MINDY2: variants seen among roughly 807,000 people sequenced by gnomAD.
The protein encoded by MINDY2 is MINDY lysine 48 deubiquitinase 2, also known as ubiquitin carboxyl-terminal hydrolase MINDY-2.
A neutral mutation model predicts 68.2 loss-of-function variants in MINDY2; 52 were observed. That is an observed-to-expected ratio of 0.76 (90% CI 0.61 to 0.96). The LOEUF (loss-of-function observed/expected upper bound fraction) is 0.96. MINDY2 is among the 40% of genes least tolerant of loss of function. The pLI, the probability that MINDY2 is intolerant of heterozygous loss-of-function variation, is 0.00. For synonymous variants in MINDY2, 372 were observed against 303.0 expected, an observed-to-expected ratio of 1.23 and a Z score of -2.36; for missense variants, 881 against 773.4, an observed-to-expected ratio of 1.14 and a Z score of -1.65.
chr15:58,812,977 C>T (rs1184455955), intron 4 of MINDY2, among the ~76,000 whole-genome samples: 1 of 152,214 alleles, frequency 6.6e-6, no homozygotes, highest in Non-Finnish European at 1.5e-5. Context: ...CCCTTACCCT[C>T]TTCTTAACCC....
intron 8 of MINDY2, 43 bp downstream of exon 8, chr15:58,852,008 T>G (rs1298401580): frequency 7.0e-7 from 1 of 1,437,318 alleles, no homozygotes; most frequent in Non-Finnish European, 9.4e-7. Flanking sequence ...TGATCATGGC[T>G]GGGTGTAGTG....
rs893341806 is a variant in MINDY2 at position 58,796,285 on chromosome 15, T to C, written c.899-6028T>C. The C allele has an allele frequency of 8.3e-6, 3 of 361,484 alleles. No individual in the cohort carries two copies. The Admixed American group carries it at 1.0e-4, about 12-fold the overall frequency. The allele number at this position is 361,484 out of a possible 1,614,324, so 22.4% of individuals were successfully genotyped here. On this transcript the variant is annotated intron_variant, in intron 2 of 8. Transcript: ENST00000559228. ...GGTTGTTTGAGGGTTAGTTGGAAAC[T>C]ATCTTAAGCTCAAGCTAGAGGTGGA...
rs765881093 is a variant in MINDY2, at chr15:58,771,681, G to C, written c.286G>C (p.Ala96Pro). The change falls in exon 1 of 9, where the codon GCT becomes CCT. Residue 96 changes from alanine to proline, a missense_variant. By Grantham distance (27) the Ala-to-Pro change is conservative. Coordinates refer to ENST00000559228, the MANE Select transcript of MINDY2 (RefSeq NM_001040450.3). Reference protein sequence around the residue: ...DLKDSGLESPAAAEAPLRGQY... With the variant: ...DLKDSGLESPPAAEAPLRGQY... ...GAAGGACAGTGGTTTGGAGAGTCCT[G>C]CTGCCGCCGAGGCGCCTCTGAGAGG... is the stretch of plus-strand genomic sequence containing the variant. 3.7e-6 allele frequency: 6 copies of C among 1,612,472 alleles called. No homozygotes were observed. In the South Asian group the frequency reaches 5.5e-5, roughly 15 times the overall value.
chr15:58,815,920 C>G (rs767250771), intron 4 of MINDY2, among the ~76,000 whole-genome samples: 1 of 152,054 alleles, frequency 6.6e-6, no homozygotes, highest in African/African-American at 2.4e-5. Flanking sequence ...CCTCGTGATC[C>G]GTCTGCCTCG....
chr15:58,778,177 A>C (rs758952437), intron 1 of MINDY2, among the ~76,000 whole-genome samples: 1 of 152,174 alleles, frequency 6.6e-6, no homozygotes, highest in Non-Finnish European at 1.5e-5. Context: ...CATACATACA[A>C]AAAACTTACA....
At chr15:58,791,255 A>ATATATATATATATATC (rs1567043814) in intron 2 of MINDY2, among the ~76,000 whole-genome samples, 1 of 125,738 alleles carries the variant, frequency 8.0e-6, no homozygotes, top group Non-Finnish European at 1.7e-5. Flanking sequence ...ATATATATAT[A>ATATATATATATATATC]TCTTGAGTTC....
chr15:58,831,382 G>C (rs1202096059), intron 5 of MINDY2, among the ~76,000 whole-genome samples: 1 of 152,158 alleles, frequency 6.6e-6, no homozygotes, highest in African/African-American at 2.4e-5. Context: ...TTGGGAGGTA[G>C]CTGTTGACTG....
chr15:58,782,400 G>A (rs1210939433), intron 1 of MINDY2, among the ~76,000 whole-genome samples: 1 of 152,100 alleles, frequency 6.6e-6, no homozygotes, highest in Admixed American at 6.5e-5. Context: ...TATCTTCTGT[G>A]TTCCAAATTC....
At chr15:58,812,023 C>T (rs1176449532) in intron 4 of MINDY2, among the ~76,000 whole-genome samples, 2 of 152,184 alleles carry the variant, frequency 1.3e-5, no homozygotes, top group Non-Finnish European at 2.9e-5. Context: ...ACAAAGGAAT[C>T]ATACCAGCCA....
chr15:58,853,380 T>A (rs893775115), intron 8 of MINDY2, among the ~76,000 whole-genome samples: 5 of 152,172 alleles, frequency 3.3e-5, no homozygotes, highest in Admixed American at 6.6e-5. Context: ...AAAATTTCTA[T>A]TTCTAGCTCA....
At chr15:58,808,916 T>G (rs1413151149) in intron 3 of MINDY2, among the ~76,000 whole-genome samples, 1 of 152,228 alleles carries the variant, frequency 6.6e-6, no homozygotes, top group Non-Finnish European at 1.5e-5. Context: ...TTTTTCATCT[T>G]TAAAACTGAA....
At chr15:58,805,501 G>A (rs1288867097) in intron 3 of MINDY2, among the ~76,000 whole-genome samples, 1 of 152,086 alleles carries the variant, frequency 6.6e-6, no homozygotes, top group Admixed American at 6.6e-5. Context: ...AATTTTTAAT[G>A]AGTGCAAATA....
Position 58,771,997 on chromosome 15 carries a change from TC to T in MINDY2, c.605del (p.Pro202LeufsTer80). 6.3e-7 allele frequency: 1 copy of T among 1,590,018 alleles called. No individual in the cohort carries two copies. The highest frequency in any genetic ancestry group is 8.6e-7 in the Non-Finnish European group (1 of 1,169,138). ...FNSEEGAENR[V>X]PEEEEGAAVL... ...AGTGAGGAGGGAGCGGAGAACAGGGTCCCTGAGGAGGAGGAGGGCGCGGCGG... is the reference window on the plus strand; with the variant it reads ...AGTGAGGAGGGAGCGGAGAACAGGGTCCTGAGGAGGAGGAGGGCGCGGCGG... On this transcript the variant is annotated frameshift_variant, in exon 1 of 9. Coordinates refer to ENST00000559228, the MANE Select transcript of MINDY2 (RefSeq NM_001040450.3). LOFTEE classifies it high-confidence loss of function.
intron 3 of MINDY2, among the ~76,000 whole-genome samples, chr15:58,806,622 A>C (rs1297960479): frequency 6.6e-6 from 1 of 152,116 alleles, no homozygotes; most frequent in Admixed American, 6.6e-5. Context: ...CAAATATATG[A>C]AGGTATAAGC....
rs779976761 is a variant in MINDY2 at position 58,771,554 on chromosome 15, G to T, written c.159G>T (p.Gly53=). The part of the protein sequence containing the change: ...VWAAETSGGN[G]LGAAAARRSL... ...CGGCGGAGACCAGCGGCGGGAATGG[G>T]CTGGGGGCGGCGGCCGCCAGGAGGA... Residue 53 remains glycine, a synonymous_variant, in exon 1 of 9, where the codon GGG becomes GGT. Transcript: ENST00000559228. 1 of 1,611,194 alleles carries T rather than the reference G, an allele frequency of 6.2e-7. No homozygotes were observed. Among genetic ancestry groups the T allele is most frequent in the East Asian group, 2.2e-5 (1 of 44,864 alleles).
chr15:58,850,573 T>A (rs2032762577), intron 7 of MINDY2, among the ~76,000 whole-genome samples: 1 of 152,194 alleles, frequency 6.6e-6, no homozygotes, highest in Non-Finnish European at 1.5e-5. Context: ...TTTAAAAAAT[T>A]CTTTAAACCA....
rs533923967 is a variant in MINDY2, at chr15:58,779,157, A to C, written c.840+6922A>C. On this transcript the variant is annotated intron_variant, in intron 1 of 8. Coordinates refer to ENST00000559228, the MANE Select transcript of MINDY2 (RefSeq NM_001040450.3). ...AAGTAATCCTGCCTCAGCCTCCCAG[A>C]GTGCTGGGATTACAGGCGTGAGTCA... Among the ~76,000 whole-genome samples, 179 of 151,928 alleles carry C rather than the reference A, an allele frequency of 1.2e-3. 2 individuals carry two copies. Among genetic ancestry groups the C allele is most frequent in the African/African-American group, 4.2e-3 (172 of 41,358 alleles).
rs193089808 is a variant in MINDY2, at chr15:58,776,209, T to G, written c.840+3974T>G. On this transcript the variant is annotated intron_variant, in intron 1 of 8. Coordinates refer to ENST00000559228, the MANE Select transcript of MINDY2 (RefSeq NM_001040450.3). The stretch of plus-strand genomic sequence containing the variant: ...AGTAAATATGAGACTAAATGAATTC[T>G]CCAGAGAGTAGTGAGCAATAGTTCT... Among the ~76,000 whole-genome samples, 5 of 152,292 alleles carry G rather than the reference T, an allele frequency of 3.3e-5. No homozygotes were observed. The East Asian group carries it at 9.7e-4, about 29-fold the overall frequency.
At chr15:58,821,307 T>C (rs2031045549) in intron 4 of MINDY2, among the ~76,000 whole-genome samples, 1 of 151,558 alleles carries the variant, frequency 6.6e-6, no homozygotes, top group Non-Finnish European at 1.5e-5. Context: ...TTGCTTTAAA[T>C]GTGCAACATT....
Sources: gnomAD v4.1 joint callset for allele counts (sites outside exome capture counted in the v4.1 genomes callset) on GRCh38, gnomAD v4.1.1 for gene constraint, MANE v1.5 for transcripts, NCBI Gene and HGNC (gene_info 2026-07-23, HGNC 2026-07-21) for gene names.